The following GSTCD variants were observed in gnomAD, a reference collection of about 807,000 sequenced individuals.
The protein encoded by GSTCD is glutathione S-transferase C-terminal domain containing.
GSTCD carries 44 observed loss-of-function variants against 68.3 expected under a neutral mutation model. The observed-to-expected ratio is 0.64, with a 90% CI of 0.51 to 0.83. The LOEUF is 0.83. Among genes scored for constraint, GSTCD ranks in the 40% least tolerant of loss-of-function variants. GSTCD has a pLI of 0.00. For missense variants in GSTCD, 739 were observed against 735.9 expected (o/e 1.00, Z -0.05); for synonymous variants, 273 against 255.2 (o/e 1.07, Z -0.67).
chr4:105,799,222 C>G (rs1736014314), intron 5 of GSTCD, among the ~76,000 whole-genome samples: 1 of 152,164 alleles, frequency 6.6e-6, no homozygotes, highest in South Asian at 2.1e-4. Context: ...AATGTTTTGT[C>G]TGGTTTGATC....
intron 5 of GSTCD, among the ~76,000 whole-genome samples, chr4:105,797,351 A>G (rs1735935073): frequency 6.6e-6 from 1 of 152,092 alleles, no homozygotes; most frequent in Non-Finnish European, 1.5e-5. Context: ...GTTCAGTTCC[A>G]TACTACCACA....
chr4:105,783,961 G>T (rs1735372440), intron 5 of GSTCD, among the ~76,000 whole-genome samples: 1 of 152,170 alleles, frequency 6.6e-6, no homozygotes, highest in Non-Finnish European at 1.5e-5. Context: ...TTATGGATTT[G>T]GGGCAGGAAT....
intron 5 of GSTCD, among the ~76,000 whole-genome samples, chr4:105,811,732 T>C (rs1722761517): frequency 6.6e-6 from 1 of 151,966 alleles, no homozygotes; most frequent in Admixed American, 6.6e-5. Flanking sequence ...GGGGAACCAA[T>C]GAAGACTTTT....
chr4:105,797,029 A>T (rs1421115018), intron 5 of GSTCD, among the ~76,000 whole-genome samples: 1 of 148,702 alleles, frequency 6.7e-6, no homozygotes, highest in African/African-American at 2.6e-5. Context: ...AGAGGAAATG[A>T]TAAGAGACAG....
At chr4:105,799,295 G>T (rs946275680) in intron 5 of GSTCD, among the ~76,000 whole-genome samples, 1 of 152,142 alleles carries the variant, frequency 6.6e-6, no homozygotes, top group African/African-American at 2.4e-5. Context: ...TATCATTCAT[G>T]TATTCACTAA....
intron 4 of GSTCD, 66 bp from the exon 5 acceptor site, chr4:105,729,340 G>A: frequency 1.1e-6 from 1 of 909,402 alleles, no homozygotes; most frequent in Non-Finnish European, 1.7e-6. Context: ...TAATTTTTTA[G>A]CCTTCAATAA....
At chr4:105,824,132 C>T (rs184204893) in intron 7 of GSTCD, among the ~76,000 whole-genome samples, 18 of 150,652 alleles carry the variant, frequency 1.2e-4, no homozygotes, top group Admixed American at 5.3e-4. Flanking sequence ...TGAATACTTG[C>T]GGAAGAAAAA....
At chr4:105,715,985 A>AAT (rs1732668854) in intron 1 of GSTCD, among the ~76,000 whole-genome samples, 1 of 152,182 alleles carries the variant, frequency 6.6e-6, no homozygotes, top group African/African-American at 2.4e-5. Context: ...AACCTTAAGG[A>AAT]ATATGACTTG....
chr4:105,776,107 G>T (rs1025746379), intron 5 of GSTCD, among the ~76,000 whole-genome samples: 1 of 152,224 alleles, frequency 6.6e-6, no homozygotes, highest in Non-Finnish European at 1.5e-5. Context: ...GGTGGGCTAC[G>T]CCCAGTTCTA....
intron 7 of GSTCD, among the ~76,000 whole-genome samples, chr4:105,825,217 CTTCCTGGG>C (rs1483790537): frequency 6.6e-6 from 1 of 152,108 alleles, no homozygotes; most frequent in Non-Finnish European, 1.5e-5. Context: ...ATAACCTCTG[CTTCCTGGG>C]TTCAAGGGAT....
chr4:105,818,740 C>G (rs1578504779), intron 5 of GSTCD, among the ~76,000 whole-genome samples: 1 of 151,634 alleles, frequency 6.6e-6, no homozygotes, highest in Non-Finnish European at 1.5e-5. Context: ...AGGGGTATAA[C>G]AAGGGAAGAG....
In GSTCD at chr4:105,726,622, C is replaced by A. The variant is rs771994187; in HGVS notation, c.938C>A (p.Pro313Gln). 12 of 1,609,942 alleles carry A rather than the reference C, an allele frequency of 7.5e-6. No individual in the cohort carries two copies. In the Admixed American group the frequency reaches 1.8e-4, roughly 25 times the overall value. The change falls in exon 4 of 12, where the codon CCA becomes CAA. Residue 313 changes from proline to glutamine, a missense_variant. Transcript: ENST00000515279. The stretch of plus-strand genomic sequence containing the variant: ...TTTTCTGAGAAGCTGGTAGAATTTC[C>A]ATTGCTAGCCTCTTGGTACCAGAGG... ...RKFSEKLVEF[P>Q]LLASWYQRIQ...
intron 5 of GSTCD, among the ~76,000 whole-genome samples, chr4:105,744,149 A>G (rs987622202): frequency 6.6e-6 from 1 of 152,128 alleles, no homozygotes; most frequent in Non-Finnish European, 1.5e-5. Context: ...ATTTTTATAG[A>G]ATGTCTCTCA....
chr4:105,797,717 G>A (rs1186624394), intron 5 of GSTCD, among the ~76,000 whole-genome samples: 1 of 146,798 alleles, frequency 6.8e-6, no homozygotes, highest in Non-Finnish European at 1.5e-5. Flanking sequence ...CTATTTCTCT[G>A]TAGTATTTGA....
chr4:105,844,615 A>G (rs554224708), intron 11 of GSTCD, among the ~76,000 whole-genome samples: 1 of 152,352 alleles, frequency 6.6e-6, no homozygotes, highest in East Asian at 1.9e-4. Flanking sequence ...TAGGAAAAAT[A>G]TAATGAAGTT....
chr4:105,757,169 T>G (rs1467491250), intron 5 of GSTCD, among the ~76,000 whole-genome samples: 1 of 152,138 alleles, frequency 6.6e-6, no homozygotes, highest in Non-Finnish European at 1.5e-5. Flanking sequence ...TATAGAAAAT[T>G]GCTGTTTAAG....
At chr4:105,813,792 A>G (rs560144726) in intron 5 of GSTCD, among the ~76,000 whole-genome samples, 14 of 152,272 alleles carry the variant, frequency 9.2e-5, no homozygotes, top group African/African-American at 3.4e-4. Flanking sequence ...ATTTCAATTC[A>G]GTTACCTGCT....
chr4:105,841,484 T>G (rs1280907071), intron 10 of GSTCD, among the ~76,000 whole-genome samples: 1 of 152,138 alleles, frequency 6.6e-6, no homozygotes, highest in Non-Finnish European at 1.5e-5. Flanking sequence ...ATATTTCAGC[T>G]AAAAGCAACT....
chr4:105,830,124 T>C (rs1723835261), intron 8 of GSTCD, among the ~76,000 whole-genome samples: 1 of 152,136 alleles, frequency 6.6e-6, no homozygotes, highest in African/African-American at 2.4e-5. Context: ...GAAAATGTGT[T>C]AATAATTAAG....
Sources: gnomAD v4.1 joint callset for allele counts (sites outside exome capture counted in the v4.1 genomes callset) on GRCh38, gnomAD v4.1.1 for gene constraint, MANE v1.5 for transcripts, NCBI Gene and HGNC (gene_info 2026-07-23, HGNC 2026-07-21) for gene names.